The following UTRN variants were observed in gnomAD, a reference collection of about 807,000 sequenced individuals.
The protein encoded by UTRN is utrophin, also known as dystrophin-related protein 1.
In UTRN, 283 loss-of-function variants were observed where a neutral mutation model predicts 463.9. That is an observed-to-expected ratio of 0.61 (90% CI 0.55 to 0.67). The LOEUF (loss-of-function observed/expected upper bound fraction) is 0.67. Ranked by LOEUF, UTRN falls within the 30% of genes least tolerant of loss-of-function variation. The pLI, the probability that UTRN is intolerant of heterozygous loss-of-function variation, is 0.00. For synonymous variants in UTRN, 1,442 were observed against 1,431.5 expected, an observed-to-expected ratio of 1.01 and a Z score of -0.17; for missense variants, 3,922 against 4,084.3, an observed-to-expected ratio of 0.96 and a Z score of 1.08.
intron 2 of UTRN, among the ~76,000 whole-genome samples, chr6:144,359,415 G>A (rs1056182291): frequency 6.6e-6 from 1 of 152,184 alleles, no homozygotes; most frequent in African/African-American, 2.4e-5. Flanking sequence ...TATTATTGTT[G>A]TTGGCACCAT....
chr6:144,748,941 G>A (rs1791067836), intron 55 of UTRN, among the ~76,000 whole-genome samples: 1 of 152,012 alleles, frequency 6.6e-6, no homozygotes, highest in Admixed American at 6.6e-5. Context: ...TGTCCATATG[G>A]TATAGTCTCC....
At chr6:144,489,347 C>T (rs1392780425) in intron 30 of UTRN, among the ~76,000 whole-genome samples, 1 of 152,064 alleles carries the variant, frequency 6.6e-6, no homozygotes, top group African/African-American at 2.4e-5. Flanking sequence ...CGGGGTTTTG[C>T]CATATTGTCC....
chr6:144,675,490 A>G (rs935391632), intron 51 of UTRN, among the ~76,000 whole-genome samples: 7 of 152,148 alleles, frequency 4.6e-5, no homozygotes, highest in African/African-American at 1.4e-4. Context: ...GGTTAAGCTG[A>G]TGTGTGGTAA....
intron 51 of UTRN, among the ~76,000 whole-genome samples, chr6:144,611,945 C>T (rs1805570334): frequency 6.6e-6 from 1 of 152,162 alleles, no homozygotes; most frequent in Non-Finnish European, 1.5e-5. Flanking sequence ...GGAAGCCTAA[C>T]ATTCCTTGGT....
intron 2 of UTRN, among the ~76,000 whole-genome samples, chr6:144,377,971 G>T (rs942928070): frequency 2.0e-5 from 3 of 152,204 alleles, no homozygotes; most frequent in African/African-American, 4.8e-5. Flanking sequence ...TTCCCATTTA[G>T]ATCAATCAGG....
At chr6:144,484,599 T>C (rs1238297648) in intron 27 of UTRN, among the ~76,000 whole-genome samples, 3 of 151,540 alleles carry the variant, frequency 2.0e-5, no homozygotes, top group Non-Finnish European at 4.4e-5. Context: ...CCTGCCACCA[T>C]GCCCAGCTAG....
intron 20 of UTRN, 65 bp from the exon 21 acceptor site, chr6:144,459,107 CCT>C: frequency 6.3e-7 from 1 of 1,576,416 alleles, no homozygotes; most frequent in South Asian, 1.2e-5. Context: ...TTAATGCTGC[CCT>C]GATTAACTTC....
chr6:144,426,509 C>G (rs770652354), intron 7 of UTRN, 50 bp downstream of exon 7: 58 of 1,540,574 alleles, frequency 3.8e-5, no homozygotes, highest in Non-Finnish European at 5.0e-5. Context: ...CATGTCTCCT[C>G]TCTGTCCCTT....
intron 2 of UTRN, among the ~76,000 whole-genome samples, chr6:144,381,456 T>A (rs1780913304): frequency 6.6e-6 from 1 of 152,230 alleles, no homozygotes; most frequent in Admixed American, 6.5e-5. Context: ...AAGTCTTTGT[T>A]ACTGTGCTGC....
chr6:144,627,023 A>G (rs1037700892), intron 51 of UTRN, among the ~76,000 whole-genome samples: 3 of 152,182 alleles, frequency 2.0e-5, no homozygotes, highest in African/African-American at 2.4e-5. Context: ...TTTGATATAT[A>G]CAAACAAAAC....
chr6:144,304,966 T>G (rs1179247796), intron 2 of UTRN, among the ~76,000 whole-genome samples: 2 of 151,870 alleles, frequency 1.3e-5, no homozygotes, highest in East Asian at 3.9e-4. Context: ...AGTTTCACTC[T>G]TGTTGCCCAG....
At position 144,612,101 on chromosome 6, in the gene UTRN, G is replaced by T. The variant is rs925708086; in HGVS notation, c.7479+34813G>T. Among the ~76,000 whole-genome samples the T allele has an allele frequency of 9.9e-5, 15 of 152,030 alleles. 1 individual carries two copies. In the East Asian group the frequency reaches 2.5e-3, roughly 25 times the overall value. On this transcript the variant is annotated intron_variant, in intron 51 of 74. Transcript: ENST00000367545. ...TATAGTCAACTGATTTTTGACAAAG[G>T]TGCCAGGAACACACAATGGGTAAAG...
intron 48 of UTRN, among the ~76,000 whole-genome samples, chr6:144,553,194 T>A (rs944640679): frequency 1.3e-4 from 20 of 152,074 alleles, no homozygotes; most frequent in Non-Finnish European, 2.2e-4. Flanking sequence ...CCTGCCACCA[T>A]GCCCAGCTAA....
chr6:144,457,777 T>C (rs186095773), intron 19 of UTRN, among the ~76,000 whole-genome samples: 390 of 152,358 alleles, frequency 2.6e-3, no homozygotes, highest in Admixed American at 6.5e-3. Context: ...TACATGACTT[T>C]TTGTTTTTAT....
Position 144,453,770 on chromosome 6 carries a change from C to T in UTRN, c.2197-12C>T. ...AGTTTGCAATATTCTTATGTTGGGA[C>T]TTCATTTGCAGGCATTAGAAAAAGA... is the stretch of plus-strand genomic sequence containing the variant. On this transcript the variant is annotated splice_polypyrimidine_tract_variant and intron_variant, in intron 18 of 74. Transcript: ENST00000367545. 1.2e-6 allele frequency: 2 copies of T among 1,608,888 alleles called. No homozygotes were observed. Among genetic ancestry groups the T allele is most frequent in the South Asian group, 2.2e-5 (2 of 90,324 alleles).
At chr6:144,306,669 C>T (rs1584220765) in intron 2 of UTRN, among the ~76,000 whole-genome samples, 2 of 152,124 alleles carry the variant, frequency 1.3e-5, no homozygotes, top group East Asian at 3.9e-4. Context: ...ATGTATGAGA[C>T]TGGCTTGGGC....
chr6:144,538,517 A>G (rs1562543168), intron 44 of UTRN, among the ~76,000 whole-genome samples: 1 of 151,570 alleles, frequency 6.6e-6, no homozygotes, highest in Non-Finnish European at 1.5e-5. Context: ...AATACAAAAA[A>G]AAATTAGCTG....
chr6:144,692,693 T>C lies in UTRN; in HGVS notation c.7653-7394T>C, dbSNP rs1178913810. Among the ~76,000 whole-genome samples the C allele has an allele frequency of 2.0e-5, 3 of 152,350 alleles. No individual in the cohort carries two copies. The East Asian group carries it at 5.8e-4, about 29-fold the overall frequency. ...ATGCTTGTCAGCTGCATATATGTCT[T>C]CTTTTGAAAAGTGTCTGTTCATGTC... On this transcript the variant is annotated intron_variant, in intron 52 of 74. Transcript: ENST00000367545.
intron 45 of UTRN, among the ~76,000 whole-genome samples, chr6:144,541,036 A>G (rs957217692): frequency 2.0e-5 from 3 of 152,224 alleles, no homozygotes; most frequent in Non-Finnish European, 4.4e-5. Context: ...CTTGATGACT[A>G]CAAAGGCTGC....
Sources: gnomAD v4.1 joint callset for allele counts (sites outside exome capture counted in the v4.1 genomes callset) on GRCh38, gnomAD v4.1.1 for gene constraint, MANE v1.5 for transcripts, NCBI Gene and HGNC (gene_info 2026-07-23, HGNC 2026-07-21) for gene names.